KYNU: variants seen among roughly 807,000 people sequenced by gnomAD.
KYNU encodes the protein L-kynurenine hydrolase.
Under a neutral mutation model 59.2 loss-of-function variants are expected in KYNU, and 54 were observed. The observed-to-expected ratio is 0.91, with a 90% confidence interval of 0.73 to 1.14. KYNU has a LOEUF of 1.14. KYNU is among the 50% of genes most tolerant of loss of function. KYNU has a pLI of 0.00. For synonymous variants in KYNU, 177 were observed against 192.0 expected (o/e 0.92, Z 0.65); for missense variants, 567 against 554.4 (o/e 1.02, Z -0.23).
At chr2:143,032,051 G>T (rs1322606821) in intron 11 of KYNU, among the ~76,000 whole-genome samples, 1 of 152,268 alleles carries the variant, frequency 6.6e-6, no homozygotes, top group Admixed American at 6.5e-5. Context: ...GCCAAGGCGG[G>T]CGGATCACGA....
At chr2:142,963,537 T>A (rs1439485925) in intron 8 of KYNU, among the ~76,000 whole-genome samples, 1 of 152,192 alleles carries the variant, frequency 6.6e-6, no homozygotes, top group Non-Finnish European at 1.5e-5. Flanking sequence ...TTCTAGAGCC[T>A]CTAATACAAA....
rs575338200 is a variant in KYNU, at chr2:143,014,457, A to T, written c.903-15170A>T. On this transcript the variant is annotated intron_variant, in intron 10 of 13. Transcript: ENST00000264170. ...CTTTTATATGTGCTGTTTCTGGCAT[A>T]AATTTTATGCTGGGCTATATGTAAC... Among the ~76,000 whole-genome samples, 390 of 152,342 alleles carry T rather than the reference A, an allele frequency of 2.6e-3. 2 individuals carry two copies. Among genetic ancestry groups the T allele is most frequent in the African/African-American group, 8.6e-3 (359 of 41,578 alleles).
chr2:142,922,102 AATGGAAGATT>A (rs1178462787), intron 3 of KYNU, among the ~76,000 whole-genome samples: 1 of 152,166 alleles, frequency 6.6e-6, no homozygotes, highest in Admixed American at 6.6e-5. Context: ...CTTCTTGACC[AATGGAAGATT>A]ATGGGAATCA....
intron 3 of KYNU, among the ~76,000 whole-genome samples, chr2:142,921,686 G>A (rs1682888311): frequency 6.6e-6 from 1 of 152,160 alleles, no homozygotes; most frequent in African/African-American, 2.4e-5. Context: ...GTGCATGCCT[G>A]TAGTCCAAGC....
chr2:143,040,355 A>G, intron 12 of KYNU, 73 bp from the exon 13 acceptor site: 1 of 1,020,776 alleles, frequency 9.8e-7, no homozygotes. Context: ...CTTTTTATGC[A>G]TGATTTACTC....
chr2:142,959,012 T>A (rs1225507553), intron 7 of KYNU, among the ~76,000 whole-genome samples: 2 of 152,098 alleles, frequency 1.3e-5, no homozygotes, highest in African/African-American at 2.4e-5. Context: ...ATTCAGATAT[T>A]TTAATAACAA....
chr2:142,957,784 A>G (rs184035077), intron 7 of KYNU, 69 bp downstream of exon 7: 27 of 984,078 alleles, frequency 2.7e-5, no homozygotes, highest in Admixed American at 2.3e-4. Flanking sequence ...ATTTTCCTCA[A>G]AAGTTTATTA....
chr2:142,986,272 G>C (rs1181361626), intron 10 of KYNU, among the ~76,000 whole-genome samples: 3 of 151,904 alleles, frequency 2.0e-5, no homozygotes, highest in Admixed American at 2.0e-4. Context: ...CTGCAATCAT[G>C]TAAAGCGGAT....
At chr2:142,966,505 A>G (rs1038073180) in intron 8 of KYNU, among the ~76,000 whole-genome samples, 5 of 152,186 alleles carry the variant, frequency 3.3e-5, no homozygotes, top group Admixed American at 6.6e-5. Context: ...CATGCTCAAG[A>G]ACAGCTGTTA....
chr2:143,038,344 G>A (rs571786280), intron 12 of KYNU, among the ~76,000 whole-genome samples: 32 of 152,088 alleles, frequency 2.1e-4, no homozygotes, highest in Admixed American at 3.3e-4. Context: ...TGTGGCCCGT[G>A]CCTTGCCTGT....
intron 8 of KYNU, among the ~76,000 whole-genome samples, chr2:142,977,663 T>C (rs1001491704): frequency 6.6e-6 from 1 of 152,144 alleles, no homozygotes; most frequent in Non-Finnish European, 1.5e-5. Flanking sequence ...TATAAATAAA[T>C]GAAGCTTAAT....
intron 10 of KYNU, among the ~76,000 whole-genome samples, chr2:143,011,131 C>A (rs1316138085): frequency 6.9e-6 from 1 of 145,934 alleles, no homozygotes; most frequent in African/African-American, 2.6e-5. Flanking sequence ...AGGCAACCTA[C>A]AAAATGGGAG....
At chr2:142,884,761 C>T (rs550505148) in intron 1 of KYNU, among the ~76,000 whole-genome samples, 1 of 127,968 alleles carries the variant, frequency 7.8e-6, no homozygotes, top group Non-Finnish European at 1.5e-5. Context: ...GGCTGGAGTG[C>T]GGTGGTACAA....
intron 8 of KYNU, among the ~76,000 whole-genome samples, chr2:142,975,294 C>G (rs1684851752): frequency 6.6e-6 from 1 of 152,132 alleles, no homozygotes; most frequent in Non-Finnish European, 1.5e-5. Context: ...AGGATTTCAG[C>G]TGGGACAGCC....
In KYNU at chr2:143,054,996, T is replaced by C. The variant is rs1274062112; in HGVS notation, c.*12824T>C. 6.6e-6 allele frequency: 1 copy of C among 151,950 alleles called. No homozygotes were observed. Among genetic ancestry groups the C allele is most frequent in the Non-Finnish European group, 1.5e-5 (1 of 68,000 alleles). The allele number at this position is 151,950 out of a possible 1,614,324, so 9.4% of individuals were successfully genotyped here. ...AGCTGTGATAATAGTATTGTGGGAG[T>C]AAGAAGCTATTCATATTTCTATATA... On this transcript the variant is annotated 3_prime_UTR_variant, in exon 14 of 14. Transcript: ENST00000264170.
intron 12 of KYNU, among the ~76,000 whole-genome samples, chr2:143,033,933 C>T (rs1445165997): frequency 6.6e-6 from 1 of 151,904 alleles, no homozygotes; most frequent in Non-Finnish European, 1.5e-5. Flanking sequence ...CCATTATGTC[C>T]ATTTATAGTC....
At chr2:142,975,168 C>T (rs143818918) in intron 8 of KYNU, among the ~76,000 whole-genome samples, 4 of 152,072 alleles carry the variant, frequency 2.6e-5, no homozygotes, top group Non-Finnish European at 1.5e-5. Context: ...CTGCTCCCCC[C>T]ACCAAATCCT....
intron 12 of KYNU, among the ~76,000 whole-genome samples, chr2:143,038,611 T>C (rs1686953425): frequency 6.6e-6 from 1 of 152,178 alleles, no homozygotes; most frequent in Non-Finnish European, 1.5e-5. Context: ...ACTTCAGACA[T>C]TGTCTGGGAG....
In KYNU at chr2:143,044,949, T is replaced by G. The variant is rs1237166778; in HGVS notation, c.*2777T>G. The G allele has an allele frequency of 9.3e-6, 1 of 107,578 alleles. No individual in the cohort carries two copies. The highest frequency in any genetic ancestry group is 3.6e-4 in the East Asian group (1 of 2,772). The allele number at this position is 107,578 out of a possible 1,614,324, so 6.7% of individuals were successfully genotyped here. The stretch of plus-strand genomic sequence containing the variant: ...TATTGCCTAGATATTCTTCTAGGGT[T>G]TTTTTTTTGGCTTTAGGTCTTGCAG... On this transcript the variant is annotated 3_prime_UTR_variant, in exon 14 of 14. Transcript: ENST00000264170.
Sources: gnomAD v4.1 joint callset for allele counts (sites outside exome capture counted in the v4.1 genomes callset) on GRCh38, gnomAD v4.1.1 for gene constraint, MANE v1.5 for transcripts, NCBI Gene and HGNC (gene_info 2026-07-23, HGNC 2026-07-21) for gene names.